Variants in RBFOX1 observed in about 807,000 individuals in gnomAD.
The protein encoded by RBFOX1 is RNA binding fox-1 homolog 1, also known as RNA binding protein fox-1 homolog 1.
Under a neutral mutation model 57.7 loss-of-function variants are expected in RBFOX1, and 8 were observed. That is an observed-to-expected ratio of 0.14 (90% CI 0.08 to 0.25). The LOEUF (loss-of-function observed/expected upper bound fraction) is 0.25, where lower values mean the gene tolerates loss of function less well. Ranked by LOEUF, RBFOX1 falls within the 10% of genes least tolerant of loss-of-function variation. The probability of loss-of-function intolerance (pLI) is 1.00; values close to 1 mark genes in which losing one functional copy is unlikely to be tolerated. For missense variants in RBFOX1, 611 were observed against 548.5 expected (o/e 1.11, Z -1.14); for synonymous variants, 326 against 222.4 (o/e 1.47, Z -4.15).
chr16:5,545,670 C>G (rs538130301), intron 2 of RBFOX1, among the ~76,000 whole-genome samples: 58 of 151,650 alleles, frequency 3.8e-4, no homozygotes, highest in Admixed American at 2.7e-3. Context: ...AAAAAAAAAC[C>G]CCTCATCAAG....
chr16:5,618,462 CA>C (rs1056736424), intron 3 of RBFOX1, among the ~76,000 whole-genome samples: 14 of 152,086 alleles, frequency 9.2e-5, no homozygotes, highest in African/African-American at 3.4e-4. Flanking sequence ...CTCAGCCTCC[CA>C]AGTAGCTGGG....
chr16:6,907,928 C>G (rs1235514656), intron 3 of RBFOX1, among the ~76,000 whole-genome samples: 2 of 151,600 alleles, frequency 1.3e-5, no homozygotes, highest in Admixed American at 6.6e-5. Context: ...GATATGTCAC[C>G]TGAATCTCCA....
chr16:7,042,925 C>G (rs536391540), intron 3 of RBFOX1, among the ~76,000 whole-genome samples: 1 of 152,030 alleles, frequency 6.6e-6, no homozygotes, highest in Non-Finnish European at 1.5e-5. Context: ...GACTTTGTTT[C>G]AAAAATAAAT....
chr16:7,447,337 G>A (rs1598627595), intron 4 of RBFOX1, among the ~76,000 whole-genome samples: 1 of 150,658 alleles, frequency 6.6e-6, no homozygotes, highest in Non-Finnish European at 1.5e-5. Flanking sequence ...GGAGGCTGAG[G>A]CAGAAGAATT....
At chr16:5,465,540 C>T (rs2069716437) in intron 1 of RBFOX1, among the ~76,000 whole-genome samples, 1 of 152,176 alleles carries the variant, frequency 6.6e-6, no homozygotes, top group South Asian at 2.1e-4. Context: ...CCAGCATCTA[C>T]TCTGTGGATT....
intron 2 of RBFOX1, among the ~76,000 whole-genome samples, chr16:5,595,846 C>T (rs7187515): frequency 0.63 from 95,852 of 151,984 alleles, 32,665 homozygotes; most frequent in East Asian, 0.97. Flanking sequence ...ACAGGGACTG[C>T]GTTAAGAAGG....
At chr16:6,167,166 G>A (rs1268549278) in intron 1 of RBFOX1, among the ~76,000 whole-genome samples, 2 of 152,254 alleles carry the variant, frequency 1.3e-5, no homozygotes, top group East Asian at 3.9e-4. Context: ...AGGGCAAAGG[G>A]TGTTGGATGG....
rs985864675 is a variant in RBFOX1, at chr16:5,357,635, G to A, written c.220-109581G>A. On this transcript the variant is annotated intron_variant, in intron 1 of 2. Transcript: ENST00000585867. ...AACTTGTAACAAACTCCCAGGTGATGGTGATGCTTCTGGATCATGAACCAC... is the reference window on the plus strand; with the variant it reads ...AACTTGTAACAAACTCCCAGGTGATAGTGATGCTTCTGGATCATGAACCAC... Among the ~76,000 whole-genome samples, 10 of 152,344 alleles carry A rather than the reference G, an allele frequency of 6.6e-5. No individual in the cohort carries two copies. In the East Asian group the frequency reaches 1.9e-3, roughly 29 times the overall value.
chr16:5,912,387 C>T (rs1050647016), intron 4 of RBFOX1, among the ~76,000 whole-genome samples: 3 of 152,168 alleles, frequency 2.0e-5, no homozygotes, highest in Non-Finnish European at 4.4e-5. Flanking sequence ...AGAAGCTGAG[C>T]AGCTTTGCAC....
chr16:6,503,451 G>A (rs1198613414), intron 2 of RBFOX1, among the ~76,000 whole-genome samples: 1 of 152,184 alleles, frequency 6.6e-6, no homozygotes, highest in East Asian at 1.9e-4. Flanking sequence ...TTCCCTGGGT[G>A]GACCATGTGG....
intron 4 of RBFOX1, among the ~76,000 whole-genome samples, chr16:7,221,698 T>C (rs2092744993): frequency 6.6e-6 from 1 of 152,184 alleles, no homozygotes; most frequent in Admixed American, 6.5e-5. Flanking sequence ...TATCCTGTTC[T>C]CCACATATAT....
chr16:7,639,175 G>C (rs2062321658), intron 11 of RBFOX1, among the ~76,000 whole-genome samples: 1 of 152,138 alleles, frequency 6.6e-6, no homozygotes, highest in Admixed American at 6.5e-5. Flanking sequence ...ACTGACATTA[G>C]TCTAAGACCT....
chr16:5,524,753 C>T (rs939233668), intron 2 of RBFOX1, among the ~76,000 whole-genome samples: 1 of 152,040 alleles, frequency 6.6e-6, no homozygotes, highest in East Asian at 1.9e-4. Context: ...GTTGGCCAGG[C>T]TGGTCTTGAA....
intron 13 of RBFOX1, among the ~76,000 whole-genome samples, chr16:7,670,037 G>T (rs943276458): frequency 1.3e-5 from 2 of 152,288 alleles, no homozygotes; most frequent in African/African-American, 4.8e-5. Flanking sequence ...TTCCAGAAGA[G>T]AAACTTTTTT....
chr16:5,565,363 C>G (rs1275586256), intron 2 of RBFOX1, among the ~76,000 whole-genome samples: 1 of 152,126 alleles, frequency 6.6e-6, no homozygotes, highest in East Asian at 1.9e-4. Flanking sequence ...CAGTGGCTCA[C>G]TCCTGTAATC....
At chr16:6,922,236 G>C (rs377502854) in intron 3 of RBFOX1, among the ~76,000 whole-genome samples, 1 of 152,100 alleles carries the variant, frequency 6.6e-6, no homozygotes, top group East Asian at 1.9e-4. Context: ...CATTGGCATC[G>C]ATCTCAGAAA....
chr16:6,318,681 A>G (rs2081394610), intron 2 of RBFOX1, among the ~76,000 whole-genome samples: 1 of 152,110 alleles, frequency 6.6e-6, no homozygotes, highest in Non-Finnish European at 1.5e-5. Context: ...TAATTAGTAC[A>G]TGGATGTAAG....
intron 3 of RBFOX1, among the ~76,000 whole-genome samples, chr16:6,658,524 T>C (rs1031447750): frequency 1.3e-5 from 2 of 152,154 alleles, no homozygotes; most frequent in Non-Finnish European, 2.9e-5. Flanking sequence ...CTCATCTTGT[T>C]GTAGAGCAAT....
chr16:7,685,622 G>A (rs149384543), intron 14 of RBFOX1, among the ~76,000 whole-genome samples: 215 of 152,162 alleles, frequency 1.4e-3, no homozygotes, highest in African/African-American at 4.9e-3. Flanking sequence ...TCAATAACTC[G>A]GTTTCAGATT....
Sources: allele counts gnomAD v4.1 joint callset (sites outside exome capture counted in the v4.1 genomes callset), GRCh38; gene constraint gnomAD v4.1.1; transcripts MANE v1.5; gene names NCBI Gene and HGNC (gene_info 2026-07-23, HGNC 2026-07-21).